The following SYN3 variants were observed in gnomAD, a reference collection of about 807,000 sequenced individuals.
SYN3 encodes synapsin III, also known as synapsin-3.
In SYN3, 35 loss-of-function variants were observed where a neutral mutation model predicts 65.8. That is an observed-to-expected ratio of 0.53 (90% CI 0.41 to 0.70). SYN3 has a LOEUF of 0.70. Ranked by LOEUF, SYN3 falls within the 30% of genes least tolerant of loss-of-function variation. The pLI, the probability that SYN3 is intolerant of heterozygous loss-of-function variation, is 0.00. For missense variants in SYN3, 680 were observed against 749.0 expected (o/e 0.91, Z 1.08); for synonymous variants, 270 against 292.9 (o/e 0.92, Z 0.80).
intron 1 of SYN3, among the ~76,000 whole-genome samples, chr22:33,036,650 T>A (rs923722821): frequency 2.1e-4 from 31 of 144,380 alleles, no homozygotes; most frequent in Non-Finnish European, 2.7e-4. Flanking sequence ...TCTAAAAAAA[T>A]TTTTTTAAAT....
At chr22:32,699,477 A>C (rs1400482661) in intron 6 of SYN3, among the ~76,000 whole-genome samples, 1 of 152,116 alleles carries the variant, frequency 6.6e-6, no homozygotes, top group Non-Finnish European at 1.5e-5. Flanking sequence ...GTGGTGCCAA[A>C]AGGGAGAGAG....
intron 7 of SYN3, among the ~76,000 whole-genome samples, chr22:32,576,978 T>A (rs928814515): frequency 1.3e-5 from 2 of 152,040 alleles, no homozygotes; most frequent in Non-Finnish European, 2.9e-5. Flanking sequence ...CTGGCCCCAG[T>A]CTCACTTTCT....
intron 6 of SYN3, among the ~76,000 whole-genome samples, chr22:32,666,532 C>T (rs2060292436): frequency 6.6e-6 from 1 of 152,182 alleles, no homozygotes; most frequent in African/African-American, 2.4e-5. Flanking sequence ...CTGGAATGCT[C>T]TTTCCCCAGG....
chr22:32,599,317 TG>T, intron 6 of SYN3, among the ~76,000 whole-genome samples: 1 of 148,656 alleles, frequency 6.7e-6, no homozygotes, highest in East Asian at 2.0e-4. Context: ...CTGAAGCCCC[TG>T]ATGTACTTTT....
intron 7 of SYN3, among the ~76,000 whole-genome samples, chr22:32,555,383 A>C (rs2058479808): frequency 2.6e-5 from 4 of 152,200 alleles, no homozygotes; most frequent in Admixed American, 2.0e-4. Flanking sequence ...ACACATAAGC[A>C]ACTGAAGCTT....
intron 6 of SYN3, among the ~76,000 whole-genome samples, chr22:32,739,360 G>C (rs2061375229): frequency 1.5e-5 from 2 of 132,666 alleles, no homozygotes; most frequent in African/African-American, 5.7e-5. Flanking sequence ...GGAACTGTGA[G>C]TCCATTAAAC....
rs56331034 is a variant in SYN3 at position 32,847,020 on chromosome 22, C to A, written c.711+17895G>T. 3.9e-3 allele frequency among the ~76,000 whole-genome samples: 592 copies of A among 152,290 alleles called. 3 individuals are homozygous for A. Among genetic ancestry groups the A allele is most frequent in the Non-Finnish European group, 7.1e-3 (483 of 68,026 alleles). Reference sequence around the variant, plus strand: ...GTGACATCTTCTGTCTAAATCAAGTCAAGCCATTTTTGAACCAGGATGTTG... The same window carrying A: ...GTGACATCTTCTGTCTAAATCAAGTAAAGCCATTTTTGAACCAGGATGTTG... On this transcript the variant is annotated intron_variant, in intron 6 of 13. Transcript: ENST00000358763.
chr22:32,596,298 G>A (rs964716946), intron 7 of SYN3, among the ~76,000 whole-genome samples: 2 of 152,172 alleles, frequency 1.3e-5, no homozygotes, highest in African/African-American at 4.8e-5. Context: ...CGTGAGAATG[G>A]ACTAATAAAG....
intron 4 of SYN3, among the ~76,000 whole-genome samples, chr22:32,874,308 T>C (rs954372925): frequency 6.6e-6 from 1 of 152,216 alleles, no homozygotes; most frequent in African/African-American, 2.4e-5. Flanking sequence ...CTGGGTTTTC[T>C]TGTTATTTCA....
chr22:32,989,709 C>T (rs2052636865), intron 2 of SYN3, among the ~76,000 whole-genome samples: 2 of 148,668 alleles, frequency 1.3e-5, no homozygotes, highest in African/African-American at 4.9e-5. Flanking sequence ...GTGGCATGCG[C>T]CTGTAATCCC....
intron 4 of SYN3, among the ~76,000 whole-genome samples, chr22:32,876,832 C>T (rs1282562290): frequency 6.6e-6 from 1 of 152,202 alleles, no homozygotes; most frequent in Non-Finnish European, 1.5e-5. Context: ...TTAAGGTAGT[C>T]AGGTGGCAGG....
intron 6 of SYN3, among the ~76,000 whole-genome samples, chr22:32,840,274 T>C (rs2047855890): frequency 6.6e-6 from 1 of 152,198 alleles, no homozygotes; most frequent in African/African-American, 2.4e-5. Flanking sequence ...ATATTTTTAC[T>C]TAACGGAAAG....
At chr22:32,808,859 C>T (rs2046836202) in intron 6 of SYN3, among the ~76,000 whole-genome samples, 2 of 152,182 alleles carry the variant, frequency 1.3e-5, no homozygotes, top group South Asian at 4.1e-4. Flanking sequence ...GGGATCATTC[C>T]TGCGCTGGGA....
intron 6 of SYN3, among the ~76,000 whole-genome samples, chr22:32,780,954 CTT>C (rs1390150723): frequency 2.5e-5 from 2 of 81,590 alleles, no homozygotes; most frequent in Non-Finnish European, 2.7e-5. Flanking sequence ...TCCTTCCTTC[CTT>C]CCTTCCTTCC....
At chr22:33,032,690 A>G (rs2053776591) in intron 1 of SYN3, among the ~76,000 whole-genome samples, 1 of 151,988 alleles carries the variant, frequency 6.6e-6, no homozygotes, top group South Asian at 2.1e-4. Flanking sequence ...TTACTTTCCA[A>G]CCTGACTCTG....
intron 6 of SYN3, among the ~76,000 whole-genome samples, chr22:32,742,671 A>G (rs909285282): frequency 6.6e-6 from 1 of 152,200 alleles, no homozygotes; most frequent in Non-Finnish European, 1.5e-5. Context: ...ATGTGAATTT[A>G]GCTCTGCCTG....
intron 2 of SYN3, among the ~76,000 whole-genome samples, chr22:32,981,329 T>C (rs2052367057): frequency 6.6e-6 from 1 of 150,488 alleles, no homozygotes; most frequent in Admixed American, 6.6e-5. Context: ...CTCACGCCTG[T>C]AATCCCAGCA....
At chr22:32,596,186 C>T (rs1012330497) in intron 7 of SYN3, among the ~76,000 whole-genome samples, 4 of 152,144 alleles carry the variant, frequency 2.6e-5, no homozygotes, top group African/African-American at 9.7e-5. Context: ...TGAAAGTTTC[C>T]TGAGGCCTCC....
chr22:32,623,936 A>T (rs1214018574), intron 6 of SYN3, among the ~76,000 whole-genome samples: 1 of 152,144 alleles, frequency 6.6e-6, no homozygotes, highest in Non-Finnish European at 1.5e-5. Context: ...CAGATTCGAC[A>T]TTCTCCATCT....
Sources: gnomAD v4.1 joint callset for allele counts (sites outside exome capture counted in the v4.1 genomes callset) on GRCh38, gnomAD v4.1.1 for gene constraint, MANE v1.5 for transcripts, NCBI Gene and HGNC (gene_info 2026-07-23, HGNC 2026-07-21) for gene names.